The following PTPRD variants were observed in gnomAD, a reference collection of about 807,000 sequenced individuals.
PTPRD encodes the protein receptor-type tyrosine-protein phosphatase delta.
PTPRD carries 34 observed loss-of-function variants against 214.5 expected under a neutral mutation model. The ratio of observed to expected loss-of-function variants is 0.16; its 90% CI spans 0.12 to 0.21. The LOEUF is 0.21. Ranked by LOEUF, PTPRD falls within the 10% of genes least tolerant of loss-of-function variation. The pLI, the probability that PTPRD is intolerant of heterozygous loss-of-function variation, is 1.00. For synonymous variants in PTPRD, 1,128 were observed against 845.7 expected (o/e 1.33, Z -5.79); for missense variants, 2,545 against 2,398.7 (o/e 1.06, Z -1.27).
chr9:9,580,214 G>A (rs2090304907), intron 7 of PTPRD, among the ~76,000 whole-genome samples: 2 of 151,974 alleles, frequency 1.3e-5, no homozygotes, highest in African/African-American at 4.8e-5. Flanking sequence ...CTTTTCCTTC[G>A]GGTATATATC....
At chr9:8,522,045 C>A (rs2097902067) in intron 19 of PTPRD, among the ~76,000 whole-genome samples, 1 of 152,202 alleles carries the variant, frequency 6.6e-6, no homozygotes, top group Non-Finnish European at 1.5e-5. Context: ...TGGAAAACAT[C>A]ACCTAGAGTA....
At chr9:9,129,233 T>C (rs1181584797) in intron 10 of PTPRD, among the ~76,000 whole-genome samples, 1 of 152,036 alleles carries the variant, frequency 6.6e-6, no homozygotes, top group African/African-American at 2.4e-5. Context: ...CTACTAAAAA[T>C]ACCAAAATTA....
intron 12 of PTPRD, among the ~76,000 whole-genome samples, chr9:8,688,988 T>C (rs2097751818): frequency 6.6e-6 from 1 of 152,164 alleles, no homozygotes; most frequent in African/African-American, 2.4e-5. Flanking sequence ...AATCAGGGCA[T>C]GAGAAACTAA....
chr9:8,493,477 TG>T (rs1270964654), intron 26 of PTPRD, among the ~76,000 whole-genome samples: 14 of 152,196 alleles, frequency 9.2e-5, no homozygotes, highest in Non-Finnish European at 1.8e-4. Context: ...AGACTACAGA[TG>T]GGGCTGATGC....
At chr9:9,591,690 G>A (rs1672563666) in intron 7 of PTPRD, among the ~76,000 whole-genome samples, 1 of 152,018 alleles carries the variant, frequency 6.6e-6, no homozygotes, top group Non-Finnish European at 1.5e-5. Flanking sequence ...AGTTTTAATT[G>A]ACACATAAGT....
At chr9:10,263,917 G>A (rs762648702) in intron 3 of PTPRD, among the ~76,000 whole-genome samples, 18 of 152,112 alleles carry the variant, frequency 1.2e-4, no homozygotes, top group Non-Finnish European at 2.5e-4. Flanking sequence ...GGGACTTGGT[G>A]TTCTGCATCT....
chr9:9,047,302 C>T (rs1028809307), intron 10 of PTPRD, among the ~76,000 whole-genome samples: 4 of 152,014 alleles, frequency 2.6e-5, no homozygotes, highest in African/African-American at 9.7e-5. Context: ...TTGGAAGAAT[C>T]AATACTCTTA....
At chr9:9,620,866 GA>G (rs5896343) in intron 7 of PTPRD, among the ~76,000 whole-genome samples, 67,444 of 139,232 alleles carry the variant, frequency 0.48, 16,020 homozygotes, top group Middle Eastern at 0.62. Flanking sequence ...AAAGAGAGGA[GA>G]AAAAAAAAAA....
intron 23 of PTPRD, among the ~76,000 whole-genome samples, chr9:8,502,848 GTA>G (rs556444172): frequency 1.2e-3 from 174 of 146,954 alleles, no homozygotes; most frequent in Middle Eastern, 3.5e-3. Flanking sequence ...ATGTGTGTGT[GTA>G]TATATATATA....
At chr9:9,739,655 T>A (rs367673102) in intron 6 of PTPRD, among the ~76,000 whole-genome samples, 75 of 152,196 alleles carry the variant, frequency 4.9e-4, no homozygotes, top group African/African-American at 1.8e-3. Context: ...TGTGGTTTTG[T>A]TGATCCCCTC....
At chr9:9,116,974 T>C (rs2099812951) in intron 10 of PTPRD, among the ~76,000 whole-genome samples, 1 of 152,106 alleles carries the variant, frequency 6.6e-6, no homozygotes, top group Non-Finnish European at 1.5e-5. Context: ...AAATGATAAA[T>C]GCTCAGGGTG....
chr9:9,012,295 C>G (rs185340395), intron 11 of PTPRD, among the ~76,000 whole-genome samples: 1 of 152,196 alleles, frequency 6.6e-6, no homozygotes, highest in East Asian at 1.9e-4. Flanking sequence ...TGCAGAGGAC[C>G]CAACTAAGAC....
chr9:9,449,777 C>T (rs1441765242), intron 8 of PTPRD, among the ~76,000 whole-genome samples: 2 of 151,686 alleles, frequency 1.3e-5, no homozygotes, highest in East Asian at 3.9e-4. Flanking sequence ...CAAGTGGTTT[C>T]TGATTACATG....
At chr9:8,791,753 C>T (rs959635314) in intron 11 of PTPRD, among the ~76,000 whole-genome samples, 1 of 152,098 alleles carries the variant, frequency 6.6e-6, no homozygotes, top group East Asian at 1.9e-4. Flanking sequence ...GACTGGCTAA[C>T]TAGGTGACTG....
chr9:10,423,862 G>A, intron 2 of PTPRD, among the ~76,000 whole-genome samples: 1 of 151,820 alleles, frequency 6.6e-6, no homozygotes, highest in South Asian at 2.1e-4. Flanking sequence ...GCTAGATTTT[G>A]GAAATAAGTT....
At chr9:9,056,161 A>G (rs953411887) in intron 10 of PTPRD, among the ~76,000 whole-genome samples, 27 of 152,214 alleles carry the variant, frequency 1.8e-4, no homozygotes, top group Admixed American at 1.8e-3. Context: ...ATCTACGAAG[A>G]AGACAAAATC....
At chr9:8,751,402 TA>T (rs200631771) in intron 11 of PTPRD, among the ~76,000 whole-genome samples, 46 of 96,544 alleles carry the variant, frequency 4.8e-4, no homozygotes, top group Admixed American at 1.0e-3. Flanking sequence ...TACACTCACT[TA>T]AAAAAAAAAA....
intron 9 of PTPRD, among the ~76,000 whole-genome samples, chr9:9,341,105 T>C (rs2046613664): frequency 6.8e-6 from 1 of 146,174 alleles, no homozygotes; most frequent in Admixed American, 6.9e-5. Flanking sequence ...AAAAATAAAA[T>C]TGTAGTAAAT....
rs539930975 is a variant in PTPRD at position 9,646,007 on chromosome 9, C to G, written c.-286-71226G>C. 5.9e-5 allele frequency among the ~76,000 whole-genome samples: 9 copies of G among 152,236 alleles called. No homozygotes were observed. The South Asian group carries it at 1.9e-3, about 32-fold the overall frequency. On this transcript the variant is annotated intron_variant, in intron 7 of 45. Coordinates refer to ENST00000381196, the MANE Select transcript of PTPRD (RefSeq NM_002839.4). ...ACTGTTTCCTGCTCCATAAATGAGACAGTGTTGTTGATGCTGTTTTGTGTT... is the reference window on the plus strand; with the variant it reads ...ACTGTTTCCTGCTCCATAAATGAGAGAGTGTTGTTGATGCTGTTTTGTGTT...
Sources: allele counts gnomAD v4.1 joint callset (sites outside exome capture counted in the v4.1 genomes callset), GRCh38; gene constraint gnomAD v4.1.1; transcripts MANE v1.5; gene names NCBI Gene and HGNC (gene_info 2026-07-23, HGNC 2026-07-21).